Variants in SHTN1 observed in about 807,000 individuals in gnomAD.
The protein encoded by SHTN1 is shootin-1.
A neutral mutation model predicts 83.1 loss-of-function variants in SHTN1; 42 were observed. That is an observed-to-expected ratio of 0.51 (90% CI 0.39 to 0.65). The LOEUF is 0.65. SHTN1 is among the 30% of genes least tolerant of loss of function. SHTN1 has a pLI of 0.00. For synonymous variants in SHTN1, 224 were observed against 247.7 expected, an observed-to-expected ratio of 0.90 and a Z score of 0.90; for missense variants, 622 against 737.8, an observed-to-expected ratio of 0.84 and a Z score of 1.82.
chr10:116,960,857 T>C (rs141088725), intron 3 of SHTN1, among the ~76,000 whole-genome samples: 84 of 152,320 alleles, frequency 5.5e-4, no homozygotes, highest in Non-Finnish European at 6.8e-4. Flanking sequence ...TCCTGAATCA[T>C]AGGCTATCAG....
At chr10:116,993,017 C>CTTTTTTTTTTTTTTTTTTTTTTTTTT (rs35364697) in intron 1 of SHTN1, among the ~76,000 whole-genome samples, 1 of 121,226 alleles carries the variant, frequency 8.2e-6, no homozygotes, top group African/African-American at 3.2e-5. Flanking sequence ...TCTTTTTTTT[C>CTTTTTTTTTTTTTTTTTTTTTTTTTT]TTTTTTTTTT....
intron 1 of SHTN1, among the ~76,000 whole-genome samples, chr10:117,091,824 GC>G (rs1853434440): frequency 6.6e-6 from 1 of 152,124 alleles, no homozygotes; most frequent in Non-Finnish European, 1.5e-5. Flanking sequence ...GTTTCTCTAA[GC>G]CCTCTTCCTC....
At chr10:117,109,284 G>A (rs1396583045) in intron 1 of SHTN1, among the ~76,000 whole-genome samples, 5 of 152,066 alleles carry the variant, frequency 3.3e-5, no homozygotes, top group Admixed American at 6.5e-5. Flanking sequence ...TGTGACTCCT[G>A]CCTTACAGGG....
intron 1 of SHTN1, among the ~76,000 whole-genome samples, chr10:116,994,086 TTAA>T (rs1374055968): frequency 6.6e-6 from 1 of 152,078 alleles, no homozygotes; most frequent in Non-Finnish European, 1.5e-5. Context: ...AAAACTCTAA[TTAA>T]TATATGTAAT....
chr10:116,892,787 A>C (rs933545881), intron 16 of SHTN1, among the ~76,000 whole-genome samples: 17 of 152,172 alleles, frequency 1.1e-4, no homozygotes, highest in Non-Finnish European at 1.6e-4. Context: ...CTGACATTGC[A>C]TTTGAGTTTT....
chr10:116,993,129 C>A (rs1004305013), intron 1 of SHTN1, among the ~76,000 whole-genome samples: 1 of 149,882 alleles, frequency 6.7e-6, no homozygotes. Flanking sequence ...GATTCTCCTG[C>A]CTCAGCCTCC....
intron 2 of SHTN1, among the ~76,000 whole-genome samples, chr10:117,014,765 C>T (rs1852156363): frequency 6.6e-6 from 1 of 152,114 alleles, no homozygotes; most frequent in Non-Finnish European, 1.5e-5. Flanking sequence ...CATTTAAAAA[C>T]TTATTCAGTG....
rs1353669307 is a variant in SHTN1 at position 116,882,600 on chromosome 10, A to T, written c.*3744T>A. On this transcript the variant is annotated 3_prime_UTR_variant, in exon 17 of 17. Coordinates refer to ENST00000355371, the MANE Select transcript of SHTN1 (RefSeq NM_001127211.3). ...TTTGCTTCTCCTAAAAATTATATAA[A>T]TTGCTATGTACTGACCTGTAGGGGA... The T allele has an allele frequency of 6.6e-6, 1 of 152,186 alleles. No individual in the cohort carries two copies. The highest frequency in any genetic ancestry group is 1.5e-5 in the Non-Finnish European group (1 of 68,034). The allele number at this position is 152,186 out of a possible 1,614,324, so 9.4% of individuals were successfully genotyped here. A position where few individuals can be genotyped will look rare whatever the true frequency, so the allele number is the denominator to read the frequency against.
intron 9 of SHTN1, among the ~76,000 whole-genome samples, chr10:116,933,418 T>A (rs905957451): frequency 3.3e-5 from 5 of 151,818 alleles, no homozygotes; most frequent in Admixed American, 6.6e-5. Context: ...ACATGCAGTG[T>A]TTGGTTTTCT....
intron 3 of SHTN1, among the ~76,000 whole-genome samples, chr10:116,964,133 C>T (rs1281647611): frequency 6.6e-6 from 1 of 152,166 alleles, no homozygotes; most frequent in Non-Finnish European, 1.5e-5. Flanking sequence ...CCTAAGCTCG[C>T]CTGTGAACAG....
intron 3 of SHTN1, among the ~76,000 whole-genome samples, chr10:116,962,049 C>A (rs969293673): frequency 8.2e-6 from 1 of 121,932 alleles, no homozygotes; most frequent in African/African-American, 3.1e-5. Context: ...GCTCCCCCCC[C>A]CTTCCACATC....
chr10:117,115,241 T>TTC (rs1589938341), intron 1 of SHTN1, among the ~76,000 whole-genome samples: 1 of 152,222 alleles, frequency 6.6e-6, no homozygotes, highest in Non-Finnish European at 1.5e-5. Flanking sequence ...CTGGAGATAT[T>TTC]TCTCTCTCTC....
At chr10:117,011,902 A>T (rs539366313) in intron 2 of SHTN1, among the ~76,000 whole-genome samples, 1 of 152,120 alleles carries the variant, frequency 6.6e-6, no homozygotes, top group Admixed American at 6.5e-5. Context: ...GCACTTTGGG[A>T]GGCCGAGGAG....
chr10:116,901,036 T>C, intron 16 of SHTN1: 15 of 985,264 alleles, frequency 1.5e-5, no homozygotes, highest in Non-Finnish European at 1.8e-5. Context: ...AAATCAGAGG[T>C]TTAATTAACC....
In SHTN1 at chr10:116,952,004, G is replaced by A. The variant is rs1246254394; in HGVS notation, c.439C>T (p.Leu147Phe). 2.0e-6 allele frequency: 3 copies of A among 1,477,762 alleles called. No homozygotes were observed. Among genetic ancestry groups the A allele is most frequent in the African/African-American group, 1.4e-5 (1 of 70,630 alleles). 91.5% of individuals were successfully genotyped at this position (1,477,762 alleles called of 1,614,324 possible). Reference sequence around the variant, plus strand: ...TGAACAGATACAATTTGATCTCGAAGTTCTGCATTTTTAAAGAAAAAAAAT... The same window carrying A: ...TGAACAGATACAATTTGATCTCGAAATTCTGCATTTTTAAAGAAAAAAAAT... ...SVQCQKQIKELRDQIVSVQEE... is the reference protein window; with the variant it reads ...SVQCQKQIKEFRDQIVSVQEE... The change falls in exon 6 of 17, where the codon CTT (leucine) becomes TTT (phenylalanine). Residue 147 changes from leucine to phenylalanine, a missense_variant and splice_region_variant. Leu to Phe is a conservative substitution (Grantham distance 22, BLOSUM62 0). Coordinates refer to ENST00000355371, the MANE Select transcript of SHTN1 (RefSeq NM_001127211.3).
chr10:116,951,520 AG>A (rs1447400850), intron 6 of SHTN1, among the ~76,000 whole-genome samples: 1 of 152,234 alleles, frequency 6.6e-6, no homozygotes, highest in Non-Finnish European at 1.5e-5. Context: ...AGATGCACAG[AG>A]GGACAGTCCT....
At chr10:117,115,481 G>C (rs1174879340) in intron 1 of SHTN1, among the ~76,000 whole-genome samples, 4 of 152,122 alleles carry the variant, frequency 2.6e-5, no homozygotes, top group Non-Finnish European at 5.9e-5. Context: ...TGCACTTCAG[G>C]TGTTCCATAA....
chr10:117,010,342 C>T (rs1037172581), upstream of SHTN1, among the ~76,000 whole-genome samples: 3 of 151,800 alleles, frequency 2.0e-5, no homozygotes, highest in Non-Finnish European at 4.4e-5. Context: ...CAGAAACACA[C>T]AAGTCACCTA....
At chr10:117,029,457 T>C (rs901243433) in intron 2 of SHTN1, among the ~76,000 whole-genome samples, 1 of 152,074 alleles carries the variant, frequency 6.6e-6, no homozygotes, top group Admixed American at 6.5e-5. Flanking sequence ...TACATGAGAT[T>C]TGGGAAGGTC....
Sources: allele counts gnomAD v4.1 joint callset (sites outside exome capture counted in the v4.1 genomes callset), GRCh38; gene constraint gnomAD v4.1.1; transcripts MANE v1.5; gene names NCBI Gene and HGNC (gene_info 2026-07-23, HGNC 2026-07-21).